The following ITGB3BP variants were observed in gnomAD, a reference collection of about 807,000 sequenced individuals.
The protein encoded by ITGB3BP is centromere protein R.
In ITGB3BP, 27 loss-of-function variants were observed where a neutral mutation model predicts 29.1. The ratio of observed to expected loss-of-function variants is 0.93; its 90% CI spans 0.68 to 1.28. The LOEUF is 1.28. Among genes scored for constraint, ITGB3BP ranks in the 50% most tolerant of loss-of-function variants. The probability of loss-of-function intolerance (pLI) is 0.00; values close to 1 mark genes in which losing one functional copy is unlikely to be tolerated. For missense variants in ITGB3BP, 192 were observed against 200.2 expected, an observed-to-expected ratio of 0.96 and a Z score of 0.25; for synonymous variants, 61 against 61.4, an observed-to-expected ratio of 0.99 and a Z score of 0.03.
chr1:63,478,921 A>G lies in ITGB3BP; in HGVS notation c.185-88T>C, dbSNP rs550106948. ...GAATTTAGTTTGTCAAATTTTAAAT[A>G]GAAAGTAAAAAGGACAAATGGAAGG... is the stretch of plus-strand genomic sequence containing the variant. On this transcript the variant is annotated intron_variant, in intron 3 of 8. Transcript: ENST00000271002. 3 of 486,028 alleles carry G rather than the reference A, an allele frequency of 6.2e-6. No homozygotes were observed. In the Admixed American group the frequency reaches 1.2e-4, roughly 19 times the overall value. 30.1% of individuals were successfully genotyped at this position (486,028 alleles called of 1,614,324 possible).
chr1:63,508,314 C>G (rs1489339145), intron 2 of ITGB3BP, among the ~76,000 whole-genome samples: 2 of 152,026 alleles, frequency 1.3e-5, no homozygotes, highest in Non-Finnish European at 2.9e-5. Context: ...TGCTTCTTAA[C>G]TGAACACCTC....
At chr1:63,465,153 C>A (rs561149018) in intron 4 of ITGB3BP, among the ~76,000 whole-genome samples, 72 of 152,076 alleles carry the variant, frequency 4.7e-4, no homozygotes, top group African/African-American at 1.7e-3. Context: ...AAGGATTTAG[C>A]AGTAAAAAAG....
At chr1:63,498,690 A>G (rs1019426216) in intron 2 of ITGB3BP, among the ~76,000 whole-genome samples, 18 of 149,720 alleles carry the variant, frequency 1.2e-4, no homozygotes, top group African/African-American at 4.2e-4. Context: ...AGCAGAAGGA[A>G]AAAAAAAAAG....
At chr1:63,448,510 C>T (rs983187379) in intron 7 of ITGB3BP, among the ~76,000 whole-genome samples, 12 of 151,932 alleles carry the variant, frequency 7.9e-5, no homozygotes, top group Non-Finnish European at 1.5e-4. Context: ...TTAATAATTA[C>T]CAAGTCCTGC....
chr1:63,510,499 TTA>T (rs1646177159), intron 1 of ITGB3BP, among the ~76,000 whole-genome samples: 1 of 152,210 alleles, frequency 6.6e-6, no homozygotes, highest in Non-Finnish European at 1.5e-5. Flanking sequence ...ATCTCCCACT[TTA>T]TGTTTGGTGA....
At chr1:63,492,187 C>CTGTGTGTGTG (rs1491215928) in intron 2 of ITGB3BP, among the ~76,000 whole-genome samples, 2 of 69,228 alleles carry the variant, frequency 2.9e-5, no homozygotes, top group African/African-American at 1.1e-4. Flanking sequence ...TGTGCATGTG[C>CTGTGTGTGTG]TCTGTGTGTG....
rs147490339 is a variant in ITGB3BP, at chr1:63,482,237, C to T, written c.185-3404G>A. On this transcript the variant is annotated intron_variant, in intron 3 of 8. Transcript: ENST00000271002. ...GCAGTGAGCCGAGATCACGCCACTG[C>T]ACTCCAGCCTGGGTGACAGAGTGAC... is the stretch of plus-strand genomic sequence containing the variant. 1.2e-3 allele frequency among the ~76,000 whole-genome samples: 161 copies of T among 139,040 alleles called. 2 individuals are homozygous for T. The East Asian group carries it at 0.031, about 27-fold the overall frequency. 91.2% of individuals were successfully genotyped at this position (139,040 alleles called of 152,430 possible).
At chr1:63,505,729 G>A (rs544496146) in intron 2 of ITGB3BP, among the ~76,000 whole-genome samples, 32 of 152,196 alleles carry the variant, frequency 2.1e-4, no homozygotes, top group South Asian at 8.3e-4. Flanking sequence ...GTTCTCGTTG[G>A]TTTCAAAGAA....
intron 4 of ITGB3BP, among the ~76,000 whole-genome samples, chr1:63,477,839 C>T (rs1388308718): frequency 6.6e-6 from 1 of 152,098 alleles, no homozygotes; most frequent in Non-Finnish European, 1.5e-5. Flanking sequence ...ATGAGCTAAA[C>T]ATATGCACTA....
intron 2 of ITGB3BP, among the ~76,000 whole-genome samples, chr1:63,492,846 T>A (rs1157154580): frequency 6.6e-6 from 1 of 152,182 alleles, no homozygotes; most frequent in Non-Finnish European, 1.5e-5. Context: ...GGGCATTTCA[T>A]GCCTGTTATC....
chr1:63,502,528 T>TTA (rs937186061), intron 2 of ITGB3BP, among the ~76,000 whole-genome samples: 2 of 150,928 alleles, frequency 1.3e-5, no homozygotes, highest in African/African-American at 4.9e-5. Flanking sequence ...TTTTTTTTTT[T>TTA]AATACTTTAA....
chr1:63,511,906 T>C (rs2100789629), intron 1 of ITGB3BP, among the ~76,000 whole-genome samples: 1 of 152,202 alleles, frequency 6.6e-6, no homozygotes. Flanking sequence ...TGTCACTGAA[T>C]TGGACACCTA....
chr1:63,515,472 T>C (rs1005814426), intron 1 of ITGB3BP, among the ~76,000 whole-genome samples: 2 of 152,172 alleles, frequency 1.3e-5, no homozygotes, highest in African/African-American at 4.8e-5. Context: ...TGCCTTTCCA[T>C]ACAAATTTTG....
At chr1:63,492,955 C>A (rs1429632457) in intron 2 of ITGB3BP, among the ~76,000 whole-genome samples, 1 of 151,006 alleles carries the variant, frequency 6.6e-6, no homozygotes, top group Non-Finnish European at 1.5e-5. Context: ...CAAAAAGTAC[C>A]AAAAAATTAG....
intron 1 of ITGB3BP, among the ~76,000 whole-genome samples, chr1:63,520,712 T>C (rs1184107795): frequency 1.3e-5 from 2 of 152,300 alleles, no homozygotes; most frequent in Admixed American, 6.5e-5. Context: ...ACTCACCACA[T>C]AATTTAAGAA....
chr1:63,501,401 GT>G (rs1557646113), intron 2 of ITGB3BP, among the ~76,000 whole-genome samples: 173 of 141,214 alleles, frequency 1.2e-3, no homozygotes, highest in East Asian at 2.1e-3. Context: ...ATATGAAATG[GT>G]CAGAAGAAGA....
At chr1:63,449,406 C>T (rs1644832600) in intron 7 of ITGB3BP, 1 of 152,084 alleles carries the variant, frequency 6.6e-6, no homozygotes. Context: ...AATTATCATA[C>T]TTCTGTTAAA....
At chr1:63,458,531 T>C (rs1183305525) in intron 4 of ITGB3BP, among the ~76,000 whole-genome samples, 1 of 151,968 alleles carries the variant, frequency 6.6e-6, no homozygotes, top group Non-Finnish European at 1.5e-5. Context: ...AACCCAGTGA[T>C]TTATAGATTC....
chr1:63,441,391 C>T (rs1644728868), intron 8 of ITGB3BP, among the ~76,000 whole-genome samples: 1 of 152,064 alleles, frequency 6.6e-6, no homozygotes. Context: ...GTGTGTGCCA[C>T]CACACCCAGC....
Sources: gnomAD v4.1 joint callset for allele counts (sites outside exome capture counted in the v4.1 genomes callset) on GRCh38, gnomAD v4.1.1 for gene constraint, MANE v1.5 for transcripts, NCBI Gene and HGNC (gene_info 2026-07-23, HGNC 2026-07-21) for gene names.